ERC1: variants seen among roughly 807,000 people sequenced by gnomAD.
ERC1 encodes the protein ELKS/RAB6-interacting/CAST family member 1.
In ERC1, 56 loss-of-function variants were observed where a neutral mutation model predicts 132.0. The observed-to-expected ratio is 0.42, with a 90% CI of 0.34 to 0.53. The LOEUF is 0.53. Ranked by LOEUF, ERC1 falls within the 20% of genes least tolerant of loss-of-function variation. The pLI, the probability that ERC1 is intolerant of heterozygous loss-of-function variation, is 0.03. For missense variants in ERC1, 1,202 were observed against 1,349.9 expected, an observed-to-expected ratio of 0.89 and a Z score of 1.72; for synonymous variants, 478 against 476.1, an observed-to-expected ratio of 1.00 and a Z score of -0.05.
At chr12:1,178,309 A>G (rs1187771465) in intron 8 of ERC1, among the ~76,000 whole-genome samples, 1 of 152,170 alleles carries the variant, frequency 6.6e-6, no homozygotes, top group East Asian at 1.9e-4. Flanking sequence ...CCCTGAATAT[A>G]GTTTATGGAA....
At chr12:1,164,929 C>A (rs562545875) in intron 8 of ERC1, among the ~76,000 whole-genome samples, 1 of 152,168 alleles carries the variant, frequency 6.6e-6, no homozygotes, top group East Asian at 1.9e-4. Flanking sequence ...GTTTCTATTT[C>A]CATGTTCTGC....
chr12:1,114,969 A>G (rs2154210056), intron 6 of ERC1, among the ~76,000 whole-genome samples: 1 of 152,330 alleles, frequency 6.6e-6, no homozygotes, highest in Middle Eastern at 3.4e-3. Context: ...CTTATACCTA[A>G]GATTATTACA....
intron 16 of ERC1, among the ~76,000 whole-genome samples, chr12:1,394,326 G>A (rs1013014815): frequency 7.2e-5 from 11 of 152,082 alleles, no homozygotes; most frequent in African/African-American, 2.7e-4. Flanking sequence ...TGTGAACCTG[G>A]GAGGCGGAGC....
intron 8 of ERC1, among the ~76,000 whole-genome samples, chr12:1,158,744 C>T (rs1478503212): frequency 3.9e-5 from 6 of 151,956 alleles, no homozygotes; most frequent in African/African-American, 7.3e-5. Context: ...TGAGCCACCG[C>T]GCCTGGCTGT....
At chr12:1,423,347 ATTG>A (rs1231983895) in intron 17 of ERC1, among the ~76,000 whole-genome samples, 3 of 152,190 alleles carry the variant, frequency 2.0e-5, no homozygotes, top group Non-Finnish European at 4.4e-5. Context: ...TGATTAACGA[ATTG>A]TTGTCTGCTC....
At chr12:1,078,878 A>T (rs1941759030) in intron 2 of ERC1, among the ~76,000 whole-genome samples, 1 of 126,814 alleles carries the variant, frequency 7.9e-6, no homozygotes, top group African/African-American at 2.7e-5. Flanking sequence ...AAGTCGATAT[A>T]CAAAGATACA....
intron 15 of ERC1, among the ~76,000 whole-genome samples, chr12:1,320,839 C>G (rs538794956): frequency 1.3e-5 from 2 of 152,102 alleles, no homozygotes; most frequent in Non-Finnish European, 2.9e-5. Flanking sequence ...GTAGCTGGGA[C>G]TACAGGCGCC....
intron 8 of ERC1, among the ~76,000 whole-genome samples, chr12:1,156,102 TATC>T (rs766479482): frequency 1.3e-4 from 20 of 152,138 alleles, no homozygotes; most frequent in Non-Finnish European, 1.6e-4. Context: ...AACATTTTAA[TATC>T]ATCTTATATA....
At chr12:1,323,091 G>T (rs1176780266) in intron 15 of ERC1, among the ~76,000 whole-genome samples, 1 of 152,084 alleles carries the variant, frequency 6.6e-6, no homozygotes, top group Non-Finnish European at 1.5e-5. Flanking sequence ...ATAAAAGAGG[G>T]CTCAAATTGG....
At chr12:1,263,299 C>T (rs2077259929) in intron 14 of ERC1, 134 bp downstream of exon 14, 1 of 750,918 alleles carries the variant, frequency 1.3e-6, no homozygotes, top group South Asian at 2.4e-5. Flanking sequence ...GGAGAAGTCC[C>T]AAGGAGTTCC....
chr12:1,050,273 A>C (rs1971718531), intron 2 of ERC1, among the ~76,000 whole-genome samples: 2 of 152,184 alleles, frequency 1.3e-5, no homozygotes, highest in South Asian at 4.1e-4. Context: ...TTGAAGCAGA[A>C]ACTGTACTTC....
intron 3 of ERC1, among the ~76,000 whole-genome samples, chr12:1,099,805 G>GTAATAA (rs939281437): frequency 2.0e-5 from 3 of 146,564 alleles, no homozygotes; most frequent in Non-Finnish European, 4.5e-5. Flanking sequence ...TGAAAATGGG[G>GTAATAA]TAATAAGGAT....
rs367876731 is a variant in ERC1 at position 1,420,155 on chromosome 12, A to T, written c.3024+11908A>T. On this transcript the variant is annotated intron_variant, in intron 17 of 18. Transcript: ENST00000360905. ...AAAAGAATCATTTGCATAATTTATT[A>T]TTTTTAAATGTGTTCACATTCAGCA... Among the ~76,000 whole-genome samples the T allele has an allele frequency of 5.9e-5, 9 of 152,308 alleles. No homozygotes were observed. The East Asian group carries it at 1.7e-3, about 29-fold the overall frequency.
rs2090967822 is a variant in ERC1, at chr12:1,400,908, A to ATTTTTTTTTTTTTTTTTTTTTTT, written c.2926-7236_2926-7235insTTTTTTTTTTTTTTTTTTTTTTT. ...CTTCTCATTCAATATTGTTTTGGCT[A>ATTTTTTTTTTTTTTTTTTTTTTT]TTTTTGTATTTTTTTTTTTTTTTTT... On this transcript the variant is annotated intron_variant, in intron 16 of 18. Coordinates refer to ENST00000360905, the MANE Select transcript of ERC1 (RefSeq NM_178040.4). 6.9e-5 allele frequency among the ~76,000 whole-genome samples: 3 copies of ATTTTTTTTTTTTTTTTTTTTTTT among 43,400 alleles called. 1 individual carries two copies. The highest frequency in any genetic ancestry group is 1.3e-4 in the African/African-American group (2 of 14,980). 28.5% of individuals were successfully genotyped at this position (43,400 alleles called of 152,430 possible).
At chr12:1,392,024 AT>A (rs1223259126) in intron 16 of ERC1, among the ~76,000 whole-genome samples, 4 of 152,190 alleles carry the variant, frequency 2.6e-5, no homozygotes, top group Non-Finnish European at 5.9e-5. Context: ...AGAAAAAAAA[AT>A]ATTCCTGATA....
chr12:1,011,481 C>A (rs1039735702), intron 1 of ERC1, among the ~76,000 whole-genome samples: 1 of 152,202 alleles, frequency 6.6e-6, no homozygotes, highest in Non-Finnish European at 1.5e-5. Flanking sequence ...GCCAGGATTA[C>A]AGGTGTGAGC....
chr12:1,249,522 C>A (rs2076349046), intron 13 of ERC1, among the ~76,000 whole-genome samples: 1 of 152,154 alleles, frequency 6.6e-6, no homozygotes. Flanking sequence ...TTTTATATTA[C>A]TTTGTATTAT....
rs557474447 is a variant in ERC1 at position 1,304,821 on chromosome 12, G to T, written c.2780+14809G>T. Among the ~76,000 whole-genome samples the T allele has an allele frequency of 1.5e-3, 164 of 111,342 alleles. 1 individual carries two copies. Among genetic ancestry groups the T allele is most frequent in the Non-Finnish European group, 2.5e-3 (147 of 59,606 alleles). The allele number at this position is 111,342 out of a possible 152,430, so 73.0% of individuals were successfully genotyped here. On this transcript the variant is annotated intron_variant, in intron 15 of 18. Transcript: ENST00000360905. ...TTTTTTTTTTTTGAGACGGAGTCTC[G>T]CTCTGCTGCCCGGGCTGGAGTACAG...
chr12:1,307,003 AC>A (rs1159003056), intron 15 of ERC1, among the ~76,000 whole-genome samples: 9 of 152,148 alleles, frequency 5.9e-5, no homozygotes, highest in African/African-American at 2.2e-4. Context: ...GGAAGTGCTG[AC>A]GGGCTCCGGA....
Sources: gnomAD v4.1 joint callset for allele counts (sites outside exome capture counted in the v4.1 genomes callset) on GRCh38, gnomAD v4.1.1 for gene constraint, MANE v1.5 for transcripts, NCBI Gene and HGNC (gene_info 2026-07-23, HGNC 2026-07-21) for gene names.